The following CARM1 variants were observed in gnomAD, a reference collection of about 807,000 sequenced individuals.
The protein encoded by CARM1 is coactivator associated arginine methyltransferase 1, also known as histone-arginine methyltransferase CARM1.
A neutral mutation model predicts 72.7 loss-of-function variants in CARM1; 14 were observed. The observed-to-expected ratio is 0.19, with a 90% CI of 0.13 to 0.30. CARM1 has a LOEUF of 0.30. CARM1 is among the 10% of genes least tolerant of loss of function. The probability of loss-of-function intolerance (pLI) is 1.00; values close to 1 mark genes in which losing one functional copy is unlikely to be tolerated. For missense variants in CARM1, 432 were observed against 833.7 expected (o/e 0.52, Z 5.93); for synonymous variants, 333 against 345.5 (o/e 0.96, Z 0.40).
In CARM1 at chr19:10,916,774, G is replaced by A. The variant is rs112160628; in HGVS notation, c.1017G>A (p.Val339=). The change falls in exon 8 of 16, where the codon GTG becomes GTA. Residue 339 remains valine (V), a synonymous_variant. Coordinates refer to ENST00000327064, the MANE Select transcript of CARM1 (RefSeq NM_199141.2). This position sits in a 1 kb window ranked among gnomAD's most constrained non-coding sequence, Gnocchi z 4.4. ...AAVDEYFRQP[V]VDTFDIRILM... is the part of the protein sequence containing the mutation. ...TGGATGAGTATTTCCGGCAGCCTGT[G>A]GTGGTGAGTAGGGCCTCCAGGGTAC... is the stretch of plus-strand genomic sequence containing the variant. 56 of 1,549,456 alleles carry A rather than the reference G, an allele frequency of 3.6e-5. No individual in the cohort carries two copies. The highest frequency in any genetic ancestry group is 6.8e-5 in the African/African-American group (5 of 73,150).
intron 1 of CARM1, among the ~76,000 whole-genome samples, chr19:10,891,844 C>T (rs747248673): frequency 9.9e-5 from 15 of 152,220 alleles, no homozygotes; most frequent in Non-Finnish European, 1.8e-4. Flanking sequence ...CAAGCGCGCA[C>T]GCATAAATCT....
intron 8 of CARM1, among the ~76,000 whole-genome samples, chr19:10,917,541 G>A (rs1403624752): frequency 2.0e-5 from 3 of 151,876 alleles, no homozygotes; most frequent in South Asian, 2.1e-4. Context: ...TTTTTCATTC[G>A]TTTTGGGAGA....
At position 10,920,257 on chromosome 19, in the gene CARM1, A is replaced by C. The variant is rs764423866; in HGVS notation, c.1197-179A>C. Among the ~76,000 whole-genome samples the C allele has an allele frequency of 1.3e-5, 2 of 151,788 alleles. No individual in the cohort carries two copies. The highest frequency in any genetic ancestry group is 2.9e-5 in the Non-Finnish European group (2 of 67,940). Reference sequence around the variant, plus strand: ...GTGGTTGCGGGCCCCTCGTGTGTACATGTATGCCTGCTCATGTTTGTGTCT... The same window carrying C: ...GTGGTTGCGGGCCCCTCGTGTGTACCTGTATGCCTGCTCATGTTTGTGTCT... On this transcript the variant is annotated intron_variant, in intron 10 of 15. Coordinates refer to ENST00000327064, the MANE Select transcript of CARM1 (RefSeq NM_199141.2). This position sits in a 1 kb window ranked among gnomAD's most constrained non-coding sequence, Gnocchi z 5.3.
intron 4 of CARM1, among the ~76,000 whole-genome samples, chr19:10,911,604 C>G (rs1320820539): frequency 6.6e-6 from 1 of 152,248 alleles, no homozygotes; most frequent in African/African-American, 2.4e-5. Flanking sequence ...CTGTCACCAC[C>G]AGGAATGTCT....
Position 10,889,619 on chromosome 19 carries a change from A to G in CARM1, c.221-15332A>G, listed in dbSNP as rs376412675. Among the ~76,000 whole-genome samples the G allele has an allele frequency of 1.8e-3, 266 of 151,744 alleles. 2 individuals are homozygous for G. The highest frequency in any genetic ancestry group is 6.8e-3 in the Middle Eastern group (2 of 294). On this transcript the variant is annotated intron_variant, in intron 1 of 15. Transcript: ENST00000327064. The stretch of plus-strand genomic sequence containing the variant: ...GCTGGGATTACAGGCGTGAGCTACC[A>G]TGCCTGGCCCAGAATTGTTTATTAC...
chr19:10,921,825 C>A lies in CARM1; in HGVS notation c.*68C>A. ...GTCCCTGCCCGCCGCCCCCGCCGGGCGGCTTTCCCCCTTGTACTGGAGAAG... is the reference window on the plus strand; with the variant it reads ...GTCCCTGCCCGCCGCCCCCGCCGGGAGGCTTTCCCCCTTGTACTGGAGAAG... On this transcript the variant is annotated 3_prime_UTR_variant, in exon 16 of 16. Transcript: ENST00000327064. 2 of 1,485,452 alleles carry A rather than the reference C, an allele frequency of 1.3e-6. No individual in the cohort carries two copies. The highest frequency in any genetic ancestry group is 1.8e-6 in the Non-Finnish European group (2 of 1,099,964). The allele number at this position is 1,485,452 out of a possible 1,614,324, so 92.0% of individuals were successfully genotyped here. A position where few individuals can be genotyped will look rare whatever the true frequency, so the allele number is the denominator to read the frequency against.
intron 1 of CARM1, among the ~76,000 whole-genome samples, chr19:10,873,771 C>T (rs1316977806): frequency 6.6e-6 from 1 of 150,852 alleles, no homozygotes; most frequent in Non-Finnish European, 1.5e-5. Flanking sequence ...TCCCGAGTAG[C>T]TGGGACTACA....
Position 10,921,359 on chromosome 19 carries a change from C to G in CARM1, c.1616-16C>G. The G allele has an allele frequency of 6.2e-7, 1 of 1,610,382 alleles. No individual in the cohort carries two copies. The highest frequency in any genetic ancestry group is 8.5e-7 in the Non-Finnish European group (1 of 1,178,900). On this transcript the variant is annotated splice_polypyrimidine_tract_variant and intron_variant, in intron 14 of 15. Coordinates refer to ENST00000327064, the MANE Select transcript of CARM1 (RefSeq NM_199141.2). ...ACGCCGTCTCCCTTCCTTCTTTCCT[C>G]CCTCTCGCTGCGCAGCCAACACGGG...
chr19:10,908,158 C>T lies in CARM1; in HGVS notation c.453+13C>T, dbSNP rs2074118634. 6.3e-7 allele frequency: 1 copy of T among 1,576,486 alleles called. No homozygotes were observed. Among genetic ancestry groups the T allele is most frequent in the Non-Finnish European group, 8.7e-7 (1 of 1,145,900 alleles). On this transcript the variant is annotated intron_variant, in intron 3 of 15. Transcript: ENST00000327064. ...GCAGTACTTCCAGGTGGGTTGTACT[C>T]CCCCTCAGCCAGGCCGCCTCCCCCC...
rs1380577158 is a variant in CARM1 at position 10,916,358 on chromosome 19, T to C, written c.848-49T>C. On this transcript the variant is annotated intron_variant, in intron 6 of 15. Coordinates refer to ENST00000327064, the MANE Select transcript of CARM1 (RefSeq NM_199141.2). This position sits in a 1 kb window ranked among gnomAD's most constrained non-coding sequence, Gnocchi z 4.4. Reference sequence around the variant, plus strand: ...GTCCTTTGGAAGCTCTGCCAGGCAGTGTGGGATGTGTCACCTGACGCCAGC... The same window carrying C: ...GTCCTTTGGAAGCTCTGCCAGGCAGCGTGGGATGTGTCACCTGACGCCAGC... 7.8e-7 allele frequency: 1 copy of C among 1,276,296 alleles called. No homozygotes were observed. Among genetic ancestry groups the C allele is most frequent in the East Asian group, 2.3e-5 (1 of 43,272 alleles). The allele number at this position is 1,276,296 out of a possible 1,614,324, so 79.1% of individuals were successfully genotyped here.
Position 10,916,673 on chromosome 19 carries a change from G to A in CARM1, c.939-23G>A, listed in dbSNP as rs767283822. ...CCTCTTCTGCAGCCCTGACCTTGCT[G>A]TGGGGGTGGGGCCTGTCCACAGGTA... On this transcript the variant is annotated intron_variant, in intron 7 of 15. Coordinates refer to ENST00000327064, the MANE Select transcript of CARM1 (RefSeq NM_199141.2). The surrounding 1 kb of genome is among the most constrained non-coding windows in gnomAD (Gnocchi z 4.4). 1.3e-6 allele frequency: 2 copies of A among 1,565,888 alleles called. No individual in the cohort carries two copies. The highest frequency in any genetic ancestry group is 1.2e-5 in the South Asian group (1 of 85,586).
chr19:10,911,465 CA>C (rs965936334), intron 4 of CARM1, among the ~76,000 whole-genome samples: 2 of 152,218 alleles, frequency 1.3e-5, no homozygotes, highest in African/African-American at 4.8e-5. Context: ...TCCTGCTCCC[CA>C]AGGATGGAGA....
rs1020570864 is a variant in CARM1 at position 10,893,152 on chromosome 19, C to T, written c.221-11799C>T. On this transcript the variant is annotated intron_variant, in intron 1 of 15. Coordinates refer to ENST00000327064, the MANE Select transcript of CARM1 (RefSeq NM_199141.2). ...TCCCAGGTTCAAGTGATTCTCCTGC[C>T]TTAGCCTCCCGAGTTGCTGGGATTA... Among the ~76,000 whole-genome samples the T allele has an allele frequency of 2.0e-5, 3 of 151,958 alleles. No homozygotes were observed. In the East Asian group the frequency reaches 5.8e-4, roughly 29 times the overall value.
At position 10,912,623 on chromosome 19, in the gene CARM1, C is replaced by G. The variant is rs1282090300; in HGVS notation, c.669+329C>G. 6.6e-6 allele frequency among the ~76,000 whole-genome samples: 1 copy of G among 152,100 alleles called. No individual in the cohort carries two copies. Among genetic ancestry groups the G allele is most frequent in the Non-Finnish European group, 1.5e-5 (1 of 68,014 alleles). On this transcript the variant is annotated intron_variant, in intron 5 of 15. Transcript: ENST00000327064. The surrounding 1 kb of genome is among the most constrained non-coding windows in gnomAD (Gnocchi z 4.5). ...CCTTCCCCACCCCAGCTCCCACCCC[C>G]AGCCCCATCATGAGAGAGGAGCTAC...
chr19:10,898,485 G>A (rs2074039902), intron 1 of CARM1, among the ~76,000 whole-genome samples: 1 of 152,230 alleles, frequency 6.6e-6, no homozygotes, highest in Non-Finnish European at 1.5e-5. Context: ...CCGCAACAGT[G>A]GTGCTTTTTG....
At chr19:10,887,175 C>T (rs1214126746) in intron 1 of CARM1, among the ~76,000 whole-genome samples, 1 of 152,250 alleles carries the variant, frequency 6.6e-6, no homozygotes, top group Non-Finnish European at 1.5e-5. Flanking sequence ...CCACTTTTCC[C>T]ACTCTCTGAC....
Position 10,913,864 on chromosome 19 carries a change from T to A in CARM1, c.670-13T>A, listed in dbSNP as rs1457543127. The A allele has an allele frequency of 1.2e-6, 2 of 1,609,278 alleles. No homozygotes were observed. The highest frequency in any genetic ancestry group is 1.1e-5 in the South Asian group (1 of 90,740). ...AGACGCAGGGAAGCCCACATGGCCC[T>A]GCCCGCCTGCAGGTCTTGGTGAAGA... On this transcript the variant is annotated splice_polypyrimidine_tract_variant and intron_variant, in intron 5 of 15. Coordinates refer to ENST00000327064, the MANE Select transcript of CARM1 (RefSeq NM_199141.2).
Position 10,883,710 on chromosome 19 carries a change from C to T in CARM1, c.220+11788C>T, listed in dbSNP as rs1304842529. Among the ~76,000 whole-genome samples the T allele has an allele frequency of 2.6e-5, 4 of 152,198 alleles. No homozygotes were observed. The East Asian group carries it at 7.7e-4, about 29-fold the overall frequency. On this transcript the variant is annotated intron_variant, in intron 1 of 15. Transcript: ENST00000327064. The stretch of plus-strand genomic sequence containing the variant: ...CTGGGACTACAGGTATGCGCCACCA[C>T]GGCTGGCTAATTTTTTAAAAAAATT...
In CARM1 at chr19:10,908,115, G is replaced by A. The variant is rs200224797; in HGVS notation, c.423G>A (p.Thr141=). 3.4e-5 allele frequency: 55 copies of A among 1,613,916 alleles called. No individual in the cohort carries two copies. The East Asian group carries it at 6.5e-4, about 19-fold the overall frequency. ...AGCGGTCTGTGTTCAGCGAGCGGAC[G>A]GAGGAGTCTTCTGCCGTGCAGTACT... ...TLERSVFSER[T]EESSAVQYFQ... Residue 141 remains threonine (T), a synonymous_variant, in exon 3 of 16, where the codon ACG becomes ACA. Transcript: ENST00000327064.
Sources: allele counts gnomAD v4.1 joint callset (sites outside exome capture counted in the v4.1 genomes callset), GRCh38; gene constraint gnomAD v4.1.1; non-coding constraint Gnocchi (gnomAD v3.1); transcripts MANE v1.5; gene names NCBI Gene and HGNC (gene_info 2026-07-23, HGNC 2026-07-21).